Variants in AAK1 observed in about 807,000 individuals in gnomAD.
AAK1 encodes the protein AP2 associated kinase 1, also known as AP2-associated protein kinase 1.
Under a neutral mutation model 116.0 loss-of-function variants are expected in AAK1, and 37 were observed. That is an observed-to-expected ratio of 0.32 (90% CI 0.25 to 0.42). The LOEUF is 0.42. AAK1 is among the 10% of genes least tolerant of loss of function. The pLI is 1.00. For missense variants in AAK1, 919 were observed against 1,170.6 expected (o/e 0.79, Z 3.14); for synonymous variants, 458 against 439.9 (o/e 1.04, Z -0.51).
intron 2 of AAK1, among the ~76,000 whole-genome samples, chr2:69,585,198 A>G (rs920629211): frequency 1.3e-5 from 2 of 152,228 alleles, no homozygotes; most frequent in East Asian, 3.8e-4. Flanking sequence ...ATAATCTCCA[A>G]TTGGCATAAC....
intron 2 of AAK1, among the ~76,000 whole-genome samples, chr2:69,573,052 G>A (rs1672154199): frequency 6.6e-6 from 1 of 152,118 alleles, no homozygotes; most frequent in African/African-American, 2.4e-5. Flanking sequence ...CTGAAGCAGA[G>A]ACCTAGCATT....
chr2:69,543,559 C>T (rs1670809824), intron 4 of AAK1, among the ~76,000 whole-genome samples: 1 of 152,044 alleles, frequency 6.6e-6, no homozygotes, highest in Non-Finnish European at 1.5e-5. Context: ...AGGTGCGCAC[C>T]ACCATGCCCA....
chr2:69,490,923 C>CA (rs1675495565), intron 17 of AAK1, among the ~76,000 whole-genome samples: 2 of 147,626 alleles, frequency 1.4e-5, no homozygotes, highest in South Asian at 2.2e-4. Context: ...GTGTGTGTAC[C>CA]CACACACACA....
chr2:69,480,758 G>A (rs1675055762), intron 19 of AAK1, 102 bp downstream of exon 19: 1 of 915,604 alleles, frequency 1.1e-6, no homozygotes, highest in African/African-American at 1.7e-5. Context: ...GAACTACCTG[G>A]GCTTCAAAAT....
chr2:69,635,994 T>C (rs892963046), intron 2 of AAK1, among the ~76,000 whole-genome samples: 6 of 152,228 alleles, frequency 3.9e-5, no homozygotes, highest in Admixed American at 2.0e-4. Flanking sequence ...TCCTTGTTAA[T>C]ATATAACATA....
chr2:69,550,312 A>AT (rs977985585), intron 3 of AAK1, among the ~76,000 whole-genome samples: 29 of 151,006 alleles, frequency 1.9e-4, no homozygotes, highest in Admixed American at 7.3e-4. Context: ...TTAAAATGTC[A>AT]TTTTTTTTTC....
At chr2:69,588,905 C>G (rs1047481431) in intron 2 of AAK1, among the ~76,000 whole-genome samples, 2 of 152,170 alleles carry the variant, frequency 1.3e-5, no homozygotes, top group African/African-American at 2.4e-5. Context: ...AATGAAAGAA[C>G]TGCTACCAAA....
Position 69,475,666 on chromosome 2 carries a change from A to C in AAK1, c.*203T>G. 7.3e-7 allele frequency: 1 copy of C among 1,363,732 alleles called. No homozygotes were observed. The highest frequency in any genetic ancestry group is 9.5e-7 in the Non-Finnish European group (1 of 1,058,048). The allele number at this position is 1,363,732 out of a possible 1,614,324, so 84.5% of individuals were successfully genotyped here. A position where few individuals can be genotyped will look rare whatever the true frequency, so the allele number is the denominator to read the frequency against. On this transcript the variant is annotated 3_prime_UTR_variant, in exon 22 of 22. Transcript: ENST00000409085. ...AAAACACAGCAAACTAACAAGGAGGAACTGGCCAAGGAATATCTGGAGGGC... is the reference window on the plus strand; with the variant it reads ...AAAACACAGCAAACTAACAAGGAGGCACTGGCCAAGGAATATCTGGAGGGC...
chr2:69,609,325 T>C (rs1244182213), intron 2 of AAK1, among the ~76,000 whole-genome samples: 1 of 152,010 alleles, frequency 6.6e-6, no homozygotes, highest in Non-Finnish European at 1.5e-5. Context: ...ATTGTGCCAC[T>C]ACACTCCATC....
intron 2 of AAK1, 71 bp from the exon 3 acceptor site, chr2:69,557,049 G>A (rs1167302871): frequency 3.4e-6 from 4 of 1,182,502 alleles, no homozygotes; most frequent in Non-Finnish European, 3.7e-6. Flanking sequence ...TGTGGTGGCT[G>A]GAGGTTGCCA....
intron 18 of AAK1, 120 bp downstream of exon 18, chr2:69,482,591 T>C (rs750862796): frequency 1.5e-5 from 12 of 805,704 alleles, no homozygotes; most frequent in Non-Finnish European, 2.4e-5. Context: ...TGAGATTAAA[T>C]AGCCTTGGCT....
In AAK1 at chr2:69,613,369, CCT is replaced by C. The variant is rs367901369; in HGVS notation, c.163+29507_163+29508del. ...CTTTTGTTAATATTTGGTCTTAGCCCCTGTTTCCTAACACAAAAGCGTCTAAA... is the reference window on the plus strand; with the variant it reads ...CTTTTGTTAATATTTGGTCTTAGCCCGTTTCCTAACACAAAAGCGTCTAAA... On this transcript the variant is annotated intron_variant, in intron 2 of 21. Coordinates refer to ENST00000409085, the MANE Select transcript of AAK1 (RefSeq NM_014911.5). Among the ~76,000 whole-genome samples, 518 of 152,224 alleles carry C rather than the reference CCT, an allele frequency of 3.4e-3. 2 individuals are homozygous for C. The highest frequency in any genetic ancestry group is 0.012 in the African/African-American group (491 of 41,518).
intron 2 of AAK1, among the ~76,000 whole-genome samples, chr2:69,634,400 A>C (rs1675357877): frequency 6.6e-6 from 1 of 152,202 alleles, no homozygotes; most frequent in Non-Finnish European, 1.5e-5. Flanking sequence ...TGCAGGGATG[A>C]CGCAATCACA....
intron 2 of AAK1, among the ~76,000 whole-genome samples, chr2:69,559,674 G>A (rs538457646): frequency 6.6e-5 from 10 of 152,340 alleles, no homozygotes; most frequent in African/African-American, 2.2e-4. Context: ...AGGCTTAGGA[G>A]TCCCATGGCT....
At chr2:69,630,302 AT>A (rs1675105096) in intron 2 of AAK1, among the ~76,000 whole-genome samples, 1 of 116,346 alleles carries the variant, frequency 8.6e-6, no homozygotes, top group South Asian at 3.1e-4. Flanking sequence ...CCTATTCCTC[AT>A]CTGGGGGTTT....
At chr2:69,565,503 T>C (rs560056759) in intron 2 of AAK1, among the ~76,000 whole-genome samples, 1 of 152,320 alleles carries the variant, frequency 6.6e-6, no homozygotes, top group East Asian at 1.9e-4. Flanking sequence ...GCATCCTCCT[T>C]AGTACTGCCA....
chr2:69,529,047 T>C (rs1340745735), intron 8 of AAK1, among the ~76,000 whole-genome samples: 1 of 152,198 alleles, frequency 6.6e-6, no homozygotes, highest in African/African-American at 2.4e-5. Context: ...CACAATGGAA[T>C]GGGCAGCACC....
intron 2 of AAK1, among the ~76,000 whole-genome samples, chr2:69,633,137 T>C (rs1052041497): frequency 6.7e-6 from 1 of 148,460 alleles, no homozygotes; most frequent in Admixed American, 6.8e-5. Flanking sequence ...GAGAATGGCA[T>C]GAACCCGGGA....
chr2:69,594,698 AC>A, intron 2 of AAK1: 2 of 639,316 alleles, frequency 3.1e-6, no homozygotes. Context: ...GTGAATATAA[AC>A]TCAAGGTTTT....
Sources: allele counts gnomAD v4.1 joint callset (sites outside exome capture counted in the v4.1 genomes callset), GRCh38; gene constraint gnomAD v4.1.1; transcripts MANE v1.5; gene names NCBI Gene and HGNC (gene_info 2026-07-23, HGNC 2026-07-21).